The following IL1RAPL2 variants were observed in gnomAD, a reference collection of about 807,000 sequenced individuals.
IL1RAPL2 encodes the protein interleukin 1 receptor accessory protein like 2, also known as X-linked interleukin-1 receptor accessory protein-like 2.
A neutral mutation model predicts 44.1 loss-of-function variants in IL1RAPL2; 3 were observed. The observed-to-expected ratio is 0.07, with a 90% CI of 0.03 to 0.18. IL1RAPL2 has a LOEUF of 0.18. IL1RAPL2 is among the 10% of genes least tolerant of loss of function. The probability of loss-of-function intolerance (pLI) is 1.00; values close to 1 mark genes in which losing one functional copy is unlikely to be tolerated. For missense variants in IL1RAPL2, 391 were observed against 496.4 expected (o/e 0.79, Z 2.02); for synonymous variants, 181 against 178.8 (o/e 1.01, Z -0.10).
intron 5 of IL1RAPL2, among the ~76,000 whole-genome samples, chrX:105,457,859 G>T (rs2036067662): frequency 9.1e-6 from 1 of 110,173 alleles, no homozygotes; most frequent in African/African-American, 3.3e-5. Flanking sequence ...TGGGTCATAT[G>T]GTAATTCTAT....
intron 2 of IL1RAPL2, among the ~76,000 whole-genome samples, chrX:105,085,207 C>G (rs1446260339): frequency 8.9e-6 from 1 of 111,935 alleles, no homozygotes; most frequent in Non-Finnish European, 1.9e-5. Flanking sequence ...AAATCTTCTA[C>G]ACAGCGAAGG....
At position 105,223,099 on chromosome X, in the gene IL1RAPL2, G is replaced by A. The variant is rs1395363711; in HGVS notation, c.357-10719G>A. ...TGGGAGGCAGAGGTTGCAGTGAGCC[G>A]AGATCATGCCACTGCACTCCAGCCT... On this transcript the variant is annotated intron_variant, in intron 3 of 10. Transcript: ENST00000372582. Among the ~76,000 whole-genome samples, 2 of 107,682 alleles carry A rather than the reference G, an allele frequency of 1.9e-5. 1 individual carries two copies. Among genetic ancestry groups the A allele is most frequent in the African/African-American group, 6.8e-5 (2 of 29,249 alleles). The allele number at this position is 107,682 out of a possible 115,157, so 93.5% of individuals were successfully genotyped here.
chrX:104,660,881 C>T (rs965202376), intron 2 of IL1RAPL2, among the ~76,000 whole-genome samples: 18 of 104,086 alleles, frequency 1.7e-4, no homozygotes, highest in African/African-American at 6.0e-4. Flanking sequence ...GTTGGTGAGC[C>T]GAGATCATGC....
At chrX:104,955,661 CTT>C in intron 2 of IL1RAPL2, among the ~76,000 whole-genome samples, 1 of 109,951 alleles carries the variant, frequency 9.1e-6, no homozygotes, top group East Asian at 2.8e-4. Flanking sequence ...CTTGTGAACT[CTT>C]TTATTATGTT....
rs147377616 is a variant in IL1RAPL2, at chrX:105,433,963, G to C, written c.698-50350G>C. On this transcript the variant is annotated intron_variant, in intron 5 of 10. Transcript: ENST00000372582. ...ATAAAGAAAGACAAGTCACAGACTA[G>C]GAGGAAATATGTGCAAATTGCAGAT... 3.1e-3 allele frequency among the ~76,000 whole-genome samples: 344 copies of C among 111,608 alleles called. 2 individuals are homozygous for C. Among genetic ancestry groups the C allele is most frequent in the African/African-American group, 0.01 (319 of 30,767 alleles).
intron 1 of IL1RAPL2, among the ~76,000 whole-genome samples, chrX:104,572,832 G>GA (rs1928172512): frequency 8.9e-6 from 1 of 111,825 alleles, no homozygotes; most frequent in Non-Finnish European, 1.9e-5. Context: ...TGAACTCTGG[G>GA]CTCAAGCCAT....
chrX:105,405,949 G>A (rs755085972), intron 5 of IL1RAPL2: 7 of 1,179,310 alleles, frequency 5.9e-6, no homozygotes, highest in African/African-American at 1.8e-5. Context: ...GTTTGTGAAG[G>A]AGAATCATTT....
chrX:105,710,087 T>G (rs919649211), intron 6 of IL1RAPL2, among the ~76,000 whole-genome samples: 48 of 111,454 alleles, frequency 4.3e-4, no homozygotes, highest in African/African-American at 1.5e-3. Context: ...CTGTGCTACT[T>G]CCCTCTAGCA....
intron 2 of IL1RAPL2, among the ~76,000 whole-genome samples, chrX:104,825,237 G>T (rs191485633): frequency 8.9e-6 from 1 of 111,778 alleles, no homozygotes; most frequent in Admixed American, 9.5e-5. Context: ...CAAAGCTTTG[G>T]GGGTTAGCTC....
chrX:104,849,371 T>TATA (rs1298461170), intron 2 of IL1RAPL2, among the ~76,000 whole-genome samples: 1 of 96,349 alleles, frequency 1.0e-5, no homozygotes, highest in Non-Finnish European at 2.1e-5. Context: ...TATATATGGA[T>TATA]TACTTACGGA....
chrX:104,711,404 T>G (rs1931453821), intron 2 of IL1RAPL2, among the ~76,000 whole-genome samples: 1 of 111,072 alleles, frequency 9.0e-6, no homozygotes, highest in African/African-American at 3.3e-5. Context: ...CAGTATCATT[T>G]AATAAGGGGG....
chrX:105,618,586 C>G lies in IL1RAPL2; in HGVS notation c.773-98781C>G, dbSNP rs141571735. Among the ~76,000 whole-genome samples, 920 of 111,414 alleles carry G rather than the reference C, an allele frequency of 8.3e-3. 4 individuals are homozygous for G. The highest frequency in any genetic ancestry group is 0.013 in the Non-Finnish European group (669 of 52,913). On this transcript the variant is annotated intron_variant, in intron 6 of 10. Transcript: ENST00000372582. Reference sequence around the variant, plus strand: ...AACAGAGGATTAAGTTCCCTTTACACCAGTTACTATATGTGTGACCTTGAG... The same window carrying G: ...AACAGAGGATTAAGTTCCCTTTACAGCAGTTACTATATGTGTGACCTTGAG...
chrX:105,205,139 G>A (rs1482190950), intron 3 of IL1RAPL2, among the ~76,000 whole-genome samples: 1 of 110,816 alleles, frequency 9.0e-6, no homozygotes, highest in African/African-American at 3.3e-5. Context: ...TTTCAGTTAG[G>A]TGATCAAGAA....
intron 2 of IL1RAPL2, among the ~76,000 whole-genome samples, chrX:104,816,260 C>G (rs1008794642): frequency 8.9e-6 from 1 of 111,798 alleles, no homozygotes; most frequent in African/African-American, 3.3e-5. Context: ...AGTCTGTACT[C>G]CTTATCCTGG....
At chrX:105,439,430 C>G (rs1184887889) in intron 5 of IL1RAPL2, among the ~76,000 whole-genome samples, 1 of 104,294 alleles carries the variant, frequency 9.6e-6, no homozygotes, top group Non-Finnish European at 1.9e-5. Flanking sequence ...TTTTTTTAGA[C>G]TCTACTATGA....
intron 2 of IL1RAPL2, among the ~76,000 whole-genome samples, chrX:105,041,911 G>A (rs975663964): frequency 9.0e-6 from 1 of 110,827 alleles, no homozygotes; most frequent in Non-Finnish European, 1.9e-5. Context: ...AGAGCCCTCA[G>A]AAATAACGCC....
chrX:105,039,184 T>C (rs1165308452), intron 2 of IL1RAPL2, among the ~76,000 whole-genome samples: 1 of 111,789 alleles, frequency 8.9e-6, no homozygotes, highest in African/African-American at 3.3e-5. Flanking sequence ...AGAGAAAATA[T>C]TGATTTAGCT....
intron 2 of IL1RAPL2, among the ~76,000 whole-genome samples, chrX:104,759,409 T>C (rs1480353114): frequency 1.8e-5 from 2 of 112,116 alleles, no homozygotes; most frequent in East Asian, 5.6e-4. Flanking sequence ...GATTTATTGC[T>C]TTAGACTCTG....
At chrX:104,818,018 T>A (rs1195667595) in intron 2 of IL1RAPL2, among the ~76,000 whole-genome samples, 1 of 110,486 alleles carries the variant, frequency 9.1e-6, no homozygotes, top group Non-Finnish European at 1.9e-5. Flanking sequence ...AGTTTTGTTT[T>A]TTGACATGTT....
Sources: allele counts gnomAD v4.1 joint callset (sites outside exome capture counted in the v4.1 genomes callset), GRCh38; gene constraint gnomAD v4.1.1; transcripts MANE v1.5; gene names NCBI Gene and HGNC (gene_info 2026-07-23, HGNC 2026-07-21).